Variants in MPP7 observed in about 807,000 individuals in gnomAD.
MPP7 encodes the protein MAGUK p55 subfamily member 7.
Under a neutral mutation model 76.5 loss-of-function variants are expected in MPP7, and 60 were observed. That is an observed-to-expected ratio of 0.78 (90% CI 0.64 to 0.97). The LOEUF (loss-of-function observed/expected upper bound fraction) is 0.97, where lower values mean the gene tolerates loss of function less well. MPP7 is among the 50% of genes least tolerant of loss of function. The probability of loss-of-function intolerance (pLI) is 0.00; values close to 1 mark genes in which losing one functional copy is unlikely to be tolerated. For missense variants in MPP7, 641 were observed against 694.0 expected, an observed-to-expected ratio of 0.92 and a Z score of 0.86; for synonymous variants, 237 against 244.5, an observed-to-expected ratio of 0.97 and a Z score of 0.29.
At chr10:28,286,231 A>G (rs1398983957) in intron 1 of MPP7, among the ~76,000 whole-genome samples, 1 of 151,996 alleles carries the variant, frequency 6.6e-6, no homozygotes, top group Non-Finnish European at 1.5e-5. Context: ...CTGTGGTCCC[A>G]GCTACTCAGG....
upstream of MPP7, among the ~76,000 whole-genome samples, chr10:28,306,898 G>A (rs989576750): frequency 2.6e-5 from 4 of 152,136 alleles, no homozygotes; most frequent in African/African-American, 9.7e-5. Flanking sequence ...CTACACCTGT[G>A]CTCTATTCTC....
chr10:28,258,386 A>T (rs1380560196), intron 1 of MPP7, among the ~76,000 whole-genome samples: 1 of 93,660 alleles, frequency 1.1e-5, no homozygotes, highest in Non-Finnish European at 1.9e-5. Flanking sequence ...TAAATATTAT[A>T]TATATATATA....
At chr10:28,065,560 C>G (rs1252006142) in intron 13 of MPP7, among the ~76,000 whole-genome samples, 1 of 152,070 alleles carries the variant, frequency 6.6e-6, no homozygotes, top group Non-Finnish European at 1.5e-5. Context: ...AAGGCAGGCA[C>G]GACTCCATCA....
chr10:28,273,066 A>G (rs577994345), intron 1 of MPP7, among the ~76,000 whole-genome samples: 2 of 152,106 alleles, frequency 1.3e-5, no homozygotes, highest in East Asian at 3.9e-4. Context: ...ACAGGCACAC[A>G]CCACCACACT....
intron 15 of MPP7, among the ~76,000 whole-genome samples, chr10:28,057,253 A>C (rs940807013): frequency 3.3e-5 from 5 of 152,170 alleles, no homozygotes; most frequent in Admixed American, 1.3e-4. Flanking sequence ...GGTGCCTGAT[A>C]TGGTTTGGAT....
chr10:28,252,137 C>T (rs953454408), intron 1 of MPP7, among the ~76,000 whole-genome samples: 1 of 152,146 alleles, frequency 6.6e-6, no homozygotes, highest in Non-Finnish European at 1.5e-5. Flanking sequence ...GCTTAGTTAT[C>T]AAATGCTTAT....
chr10:28,309,951 T>C (rs976868565), intron 2 of MPP7, among the ~76,000 whole-genome samples: 13 of 150,834 alleles, frequency 8.6e-5, no homozygotes, highest in South Asian at 2.1e-4. Context: ...GAGCAGATGC[T>C]GGCGCCATGC....
At chr10:28,171,297 A>G (rs1836673383) in intron 3 of MPP7, among the ~76,000 whole-genome samples, 1 of 152,264 alleles carries the variant, frequency 6.6e-6, no homozygotes, top group Admixed American at 6.5e-5. Flanking sequence ...TGAGCAAAAG[A>G]AAATGAAAAT....
At chr10:28,164,809 G>C (rs193085748) in intron 3 of MPP7, among the ~76,000 whole-genome samples, 1 of 152,114 alleles carries the variant, frequency 6.6e-6, no homozygotes, top group African/African-American at 2.4e-5. Context: ...ACTCAGAAGT[G>C]GGGCAGGGCT....
At chr10:28,270,466 A>G (rs1013267639) in intron 1 of MPP7, among the ~76,000 whole-genome samples, 9 of 145,146 alleles carry the variant, frequency 6.2e-5, no homozygotes, top group African/African-American at 2.0e-4. Flanking sequence ...CAGGAGGATC[A>G]CTTGAGCGCA....
At chr10:28,264,122 C>A (rs905944823) in intron 1 of MPP7, among the ~76,000 whole-genome samples, 2 of 152,112 alleles carry the variant, frequency 1.3e-5, no homozygotes, top group Admixed American at 1.3e-4. Context: ...CATAGGGAGA[C>A]CCTGTCTCTA....
chr10:28,204,117 A>C (rs1837869838), intron 2 of MPP7, among the ~76,000 whole-genome samples: 1 of 152,174 alleles, frequency 6.6e-6, no homozygotes, highest in Non-Finnish European at 1.5e-5. Context: ...TCATGTGTTT[A>C]AAAACAAATG....
intron 3 of MPP7, among the ~76,000 whole-genome samples, chr10:28,179,292 A>T (rs899005859): frequency 6.6e-6 from 1 of 152,102 alleles, no homozygotes; most frequent in African/African-American, 2.4e-5. Flanking sequence ...TCTGCCCCTT[A>T]TACACTCAAA....
intron 2 of MPP7, among the ~76,000 whole-genome samples, chr10:28,234,415 A>G (rs2134124444): frequency 6.6e-6 from 1 of 152,316 alleles, no homozygotes; most frequent in South Asian, 2.1e-4. Context: ...TAGCTCCTTT[A>G]CCCTAAAGGA....
intron 3 of MPP7, among the ~76,000 whole-genome samples, chr10:28,159,016 C>A (rs1398814733): frequency 6.6e-6 from 1 of 152,118 alleles, no homozygotes; most frequent in Non-Finnish European, 1.5e-5. Context: ...CTCCCCTACC[C>A]CTGGCTGACA....
intron 11 of MPP7, among the ~76,000 whole-genome samples, chr10:28,103,619 A>G (rs1255599945): frequency 1.3e-5 from 2 of 152,148 alleles, no homozygotes; most frequent in African/African-American, 4.8e-5. Context: ...CTAACGAATT[A>G]TTCAGCAATT....
At chr10:28,300,164 TA>T (rs1841122685) in intron 1 of MPP7, among the ~76,000 whole-genome samples, 1 of 152,150 alleles carries the variant, frequency 6.6e-6, no homozygotes, top group African/African-American at 2.4e-5. Context: ...GTGAAATGTT[TA>T]TAACAAGGAA....
At chr10:28,132,555 G>T (rs751072136) in intron 5 of MPP7, among the ~76,000 whole-genome samples, 1 of 152,072 alleles carries the variant, frequency 6.6e-6, no homozygotes, top group Non-Finnish European at 1.5e-5. Context: ...TCAGCCTCCT[G>T]AGTAGCCAGG....
intron 5 of MPP7, among the ~76,000 whole-genome samples, chr10:28,134,134 A>G (rs1835281692): frequency 6.6e-6 from 1 of 152,210 alleles, no homozygotes; most frequent in African/African-American, 2.4e-5. Flanking sequence ...TTTTTCAATT[A>G]TACTTCTACT....
Sources: allele counts gnomAD v4.1 joint callset (sites outside exome capture counted in the v4.1 genomes callset), GRCh38; gene constraint gnomAD v4.1.1; transcripts MANE v1.5; gene names NCBI Gene and HGNC (gene_info 2026-07-23, HGNC 2026-07-21).